Variants in ERI3 observed in about 807,000 individuals in gnomAD.
ERI3 encodes ERI1 exoribonuclease 3.
ERI3 carries 18 observed loss-of-function variants against 44.4 expected under a neutral mutation model. The observed-to-expected ratio is 0.41, with a 90% CI of 0.28 to 0.60. ERI3 has a LOEUF of 0.60. Ranked by LOEUF, ERI3 falls within the 20% of genes least tolerant of loss-of-function variation. The probability of loss-of-function intolerance (pLI) is 0.36; values close to 1 mark genes in which losing one functional copy is unlikely to be tolerated. For missense variants in ERI3, 294 were observed against 435.5 expected (o/e 0.68, Z 2.89); for synonymous variants, 183 against 164.8 (o/e 1.11, Z -0.84).
intron 3 of ERI3, among the ~76,000 whole-genome samples, chr1:44,331,389 C>T (rs571915293): frequency 2.6e-5 from 4 of 152,128 alleles, no homozygotes; most frequent in South Asian, 4.1e-4. Context: ...ACCTAGCAGC[C>T]CACCCAAATG....
chr1:44,325,249 G>C (rs925048975), intron 3 of ERI3, among the ~76,000 whole-genome samples: 4 of 151,798 alleles, frequency 2.6e-5, no homozygotes, highest in Admixed American at 1.3e-4. Flanking sequence ...GGCTATTTTT[G>C]TATTTTTAGT....
At chr1:44,326,056 T>C (rs1254396896) in intron 3 of ERI3, among the ~76,000 whole-genome samples, 1 of 152,218 alleles carries the variant, frequency 6.6e-6, no homozygotes, top group Non-Finnish European at 1.5e-5. Context: ...AATGAGCAGA[T>C]CATTTTTCAT....
intron 7 of ERI3, among the ~76,000 whole-genome samples, chr1:44,281,455 G>C (rs1645280243): frequency 6.6e-6 from 1 of 151,698 alleles, no homozygotes; most frequent in African/African-American, 2.4e-5. Flanking sequence ...AGGCATAATG[G>C]TGGGCACTTG....
chr1:44,321,870 C>T (rs925275342), intron 3 of ERI3, among the ~76,000 whole-genome samples: 1 of 152,152 alleles, frequency 6.6e-6, no homozygotes, highest in Admixed American at 6.5e-5. Flanking sequence ...GTTTGTCCTG[C>T]TAATAAAGAC....
intron 2 of ERI3, among the ~76,000 whole-genome samples, chr1:44,340,465 TG>T (rs1437192499): frequency 6.6e-6 from 1 of 152,180 alleles, no homozygotes; most frequent in African/African-American, 2.4e-5. Flanking sequence ...CTCTGATGGC[TG>T]CAAGTGGGCA....
chr1:44,355,113 G>C lies in ERI3; in HGVS notation c.-87C>G. On this transcript the variant is annotated 5_prime_UTR_variant, in exon 1 of 9. Transcript: ENST00000372257. ...TCCCTCGGCCTCAGCAAGCGCTCAGGGCAGTTGGCGGCGGCGGGCGCGGCC... is the reference window on the plus strand; with the variant it reads ...TCCCTCGGCCTCAGCAAGCGCTCAGCGCAGTTGGCGGCGGCGGGCGCGGCC... The C allele has an allele frequency of 1.6e-6, 2 of 1,240,880 alleles. No homozygotes were observed. The highest frequency in any genetic ancestry group is 2.0e-6 in the Non-Finnish European group (2 of 986,582). 76.9% of individuals were successfully genotyped at this position (1,240,880 alleles called of 1,614,324 possible).
At chr1:44,332,684 G>A (rs1444059843) in intron 3 of ERI3, among the ~76,000 whole-genome samples, 2 of 152,190 alleles carry the variant, frequency 1.3e-5, no homozygotes, top group Admixed American at 6.5e-5. Context: ...CGGCTTTCAC[G>A]TGAAGTTGCA....
chr1:44,295,995 G>A (rs940298143), intron 6 of ERI3, among the ~76,000 whole-genome samples: 1 of 152,184 alleles, frequency 6.6e-6, no homozygotes, highest in East Asian at 1.9e-4. Flanking sequence ...TACTGCGTGG[G>A]CCTCCTTCTC....
chr1:44,274,764 C>T (rs187654862), intron 7 of ERI3, among the ~76,000 whole-genome samples: 146 of 152,322 alleles, frequency 9.6e-4, no homozygotes, highest in African/African-American at 3.3e-3. Flanking sequence ...CTGTTCCCTC[C>T]CAGGGTTCCA....
At chr1:44,263,907 G>A (rs1644940097) in intron 7 of ERI3, among the ~76,000 whole-genome samples, 1 of 152,184 alleles carries the variant, frequency 6.6e-6, no homozygotes, top group African/African-American at 2.4e-5. Context: ...GACAACCCTA[G>A]ACCCCAGTAG....
chr1:44,259,689 GACACACACACAC>G (rs58901342), intron 7 of ERI3, among the ~76,000 whole-genome samples: 2 of 140,282 alleles, frequency 1.4e-5, no homozygotes, highest in South Asian at 2.3e-4. Flanking sequence ...AAAACACACA[GACACACACACAC>G]ACACACACAC....
chr1:44,268,863 GACA>G (rs1206164434), intron 7 of ERI3, among the ~76,000 whole-genome samples: 5 of 152,182 alleles, frequency 3.3e-5, no homozygotes, highest in Non-Finnish European at 7.3e-5. Context: ...GAAACAGGGA[GACA>G]ACAAGCTTCT....
chr1:44,330,341 T>C (rs1268127753), intron 3 of ERI3, among the ~76,000 whole-genome samples: 2 of 152,148 alleles, frequency 1.3e-5, no homozygotes, highest in African/African-American at 4.8e-5. Flanking sequence ...ACAACAGAAG[T>C]AGAGCCACTT....
intron 2 of ERI3, among the ~76,000 whole-genome samples, chr1:44,344,861 A>C (rs984250460): frequency 3.9e-5 from 6 of 152,148 alleles, no homozygotes; most frequent in African/African-American, 1.4e-4. Context: ...TCTCCTCAAT[A>C]TGAAGGGCCC....
intron 3 of ERI3, among the ~76,000 whole-genome samples, chr1:44,335,992 T>C (rs560622359): frequency 2.0e-5 from 3 of 152,330 alleles, no homozygotes; most frequent in African/African-American, 4.8e-5. Flanking sequence ...CAAGAGCAAG[T>C]TGTTATCGTA....
chr1:44,297,993 G>A (rs325156), intron 6 of ERI3, among the ~76,000 whole-genome samples: 96,325 of 152,158 alleles, frequency 0.63, 32,254 homozygotes, highest in East Asian at 0.8. Context: ...CTGCCAAGGT[G>A]GCAAGGGCTT....
At chr1:44,297,438 C>T (rs1645633423) in intron 6 of ERI3, among the ~76,000 whole-genome samples, 1 of 151,872 alleles carries the variant, frequency 6.6e-6, no homozygotes, top group Admixed American at 6.6e-5. Flanking sequence ...TCTTAGGAAC[C>T]CGACCAAAGA....
intron 8 of ERI3, among the ~76,000 whole-genome samples, chr1:44,231,324 C>T (rs1376976182): frequency 6.6e-6 from 1 of 151,970 alleles, no homozygotes; most frequent in Non-Finnish European, 1.5e-5. Flanking sequence ...AAAATTTATA[C>T]CCTTACTCTC....
At chr1:44,350,551 C>T (rs538338545) in intron 2 of ERI3, among the ~76,000 whole-genome samples, 3 of 152,280 alleles carry the variant, frequency 2.0e-5, no homozygotes, top group South Asian at 2.1e-4. Flanking sequence ...CATGAGCCAC[C>T]GTGCCCAGCT....
Sources: gnomAD v4.1 joint callset for allele counts (sites outside exome capture counted in the v4.1 genomes callset) on GRCh38, gnomAD v4.1.1 for gene constraint, MANE v1.5 for transcripts, NCBI Gene and HGNC (gene_info 2026-07-23, HGNC 2026-07-21) for gene names.